The following TTC13 variants were observed in gnomAD, a reference collection of about 807,000 sequenced individuals.
The protein encoded by TTC13 is tetratricopeptide repeat protein 13.
Under a neutral mutation model 120.0 loss-of-function variants are expected in TTC13, and 62 were observed. The observed-to-expected ratio is 0.52, with a 90% CI of 0.42 to 0.64. The LOEUF is 0.64. Ranked by LOEUF, TTC13 falls within the 30% of genes least tolerant of loss-of-function variation. TTC13 has a pLI of 0.00. For synonymous variants in TTC13, 384 were observed against 393.5 expected, an observed-to-expected ratio of 0.98 and a Z score of 0.28; for missense variants, 824 against 1,050.2, an observed-to-expected ratio of 0.78 and a Z score of 2.98.
chr1:230,954,276 T>C (rs1675851006), intron 4 of TTC13, 57 bp downstream of exon 4: 3 of 1,210,432 alleles, frequency 2.5e-6, no homozygotes, highest in Non-Finnish European at 2.4e-6. Context: ...TGTTCATTAG[T>C]CCATATTTTT....
At chr1:230,938,715 C>A (rs1281173488) in intron 8 of TTC13, among the ~76,000 whole-genome samples, 1 of 152,194 alleles carries the variant, frequency 6.6e-6, no homozygotes, top group Non-Finnish European at 1.5e-5. Context: ...TCCTCAGCCA[C>A]CACACTGTCA....
At chr1:230,910,682 C>T (rs1671412071) in intron 20 of TTC13, among the ~76,000 whole-genome samples, 1 of 152,240 alleles carries the variant, frequency 6.6e-6, no homozygotes, top group African/African-American at 2.4e-5. Flanking sequence ...CGGTGATGTG[C>T]ACAGGCCTCA....
intron 1 of TTC13, among the ~76,000 whole-genome samples, chr1:230,975,344 C>T (rs931532017): frequency 6.6e-6 from 1 of 152,030 alleles, no homozygotes; most frequent in African/African-American, 2.4e-5. Flanking sequence ...AATGAACTAC[C>T]TCCTGGGCAA....
chr1:230,941,823 T>C (rs1674557471), intron 6 of TTC13, among the ~76,000 whole-genome samples: 1 of 152,148 alleles, frequency 6.6e-6, no homozygotes, highest in Admixed American at 6.5e-5. Flanking sequence ...CCCTAGTTTA[T>C]CAACCCCTAG....
At chr1:230,949,637 C>T (rs1675350418) in intron 4 of TTC13, among the ~76,000 whole-genome samples, 1 of 151,258 alleles carries the variant, frequency 6.6e-6, no homozygotes. Flanking sequence ...TCAATTTATT[C>T]TTTCCTTTTT....
intron 8 of TTC13, chr1:230,936,390 C>G (rs1271596977): frequency 2.6e-6 from 1 of 380,686 alleles, no homozygotes; most frequent in Non-Finnish European, 5.2e-6. Flanking sequence ...CAAATGCCAT[C>G]CCACCATTTT....
Position 230,978,724 on chromosome 1 carries a change from G to A in TTC13, c.107C>T (p.Ser36Phe). Residue 36 changes from serine to phenylalanine, a missense_variant, in exon 1 of 23, where the codon TCC (serine) becomes TTC (phenylalanine). Coordinates refer to ENST00000366661, the MANE Select transcript of TTC13 (RefSeq NM_024525.5). The surrounding 1 kb of genome is among the most constrained non-coding windows in gnomAD (Gnocchi z 5.6). ...CAGGGCGCCTGGCCGCAGCCCGGCG[G>A]ACAGGACCCCCAGCAGCAGCAGCAG... ...VLLLLLLGVLSAGLRPGALAT... is the reference protein window; with the variant it reads ...VLLLLLLGVLFAGLRPGALAT... 6.7e-7 allele frequency: 1 copy of A among 1,497,150 alleles called. No individual in the cohort carries two copies. The highest frequency in any genetic ancestry group is 1.2e-5 in the South Asian group (1 of 80,258). The allele number at this position is 1,497,150 out of a possible 1,614,324, so 92.7% of individuals were successfully genotyped here. A position where few individuals can be genotyped will look rare whatever the true frequency, so the allele number is the denominator to read the frequency against.
At chr1:230,937,889 T>C (rs1049328065) in intron 8 of TTC13, among the ~76,000 whole-genome samples, 3 of 152,242 alleles carry the variant, frequency 2.0e-5, no homozygotes, top group African/African-American at 7.2e-5. Context: ...TGATTGCCCA[T>C]GGAGCTTGGA....
chr1:230,906,902 G>A lies in TTC13; in HGVS notation c.*3C>T, dbSNP rs768283821. ...CTTTACTTGTATAAATACAGCAGCAGAACTAGAGTTTCTTAAGACAACGTG... is the reference window on the plus strand; with the variant it reads ...CTTTACTTGTATAAATACAGCAGCAAAACTAGAGTTTCTTAAGACAACGTG... On this transcript the variant is annotated 3_prime_UTR_variant, in exon 23 of 23. Coordinates refer to ENST00000366661, the MANE Select transcript of TTC13 (RefSeq NM_024525.5). 9 of 1,449,934 alleles carry A rather than the reference G, an allele frequency of 6.2e-6. No homozygotes were observed. Among genetic ancestry groups the A allele is most frequent in the Non-Finnish European group, 8.3e-6 (9 of 1,087,076 alleles). 89.8% of individuals were successfully genotyped at this position (1,449,934 alleles called of 1,614,324 possible).
Position 230,912,846 on chromosome 1 carries a change from T to C in TTC13, c.2094-88A>G, listed in dbSNP as rs545492177. 3 of 1,193,106 alleles carry C rather than the reference T, an allele frequency of 2.5e-6. No individual in the cohort carries two copies. The South Asian group carries it at 4.1e-5, about 16-fold the overall frequency. 73.9% of individuals were successfully genotyped at this position (1,193,106 alleles called of 1,614,324 possible). Reference sequence around the variant, plus strand: ...AGTTTTTTTTAAAAAGCAAATAGCATACTGACGTAGCACTAAACATATACA... The same window carrying C: ...AGTTTTTTTTAAAAAGCAAATAGCACACTGACGTAGCACTAAACATATACA... On this transcript the variant is annotated intron_variant, in intron 18 of 22. Coordinates refer to ENST00000366661, the MANE Select transcript of TTC13 (RefSeq NM_024525.5).
At chr1:230,971,295 G>A (rs147412509) in intron 1 of TTC13, among the ~76,000 whole-genome samples, 14,575 of 138,914 alleles carry the variant, frequency 0.1, 719 homozygotes, top group Middle Eastern at 0.24. Flanking sequence ...GCAGTGAGCC[G>A]AGATTGCACC....
intron 12 of TTC13, among the ~76,000 whole-genome samples, chr1:230,927,804 A>G (rs1673170596): frequency 6.6e-6 from 1 of 152,120 alleles, no homozygotes; most frequent in Non-Finnish European, 1.5e-5. Context: ...TTCCTCCTAA[A>G]GTTTAAAATA....
chr1:230,928,843 C>A, intron 12 of TTC13, 94 bp downstream of exon 12: 2 of 1,373,066 alleles, frequency 1.5e-6, no homozygotes, highest in South Asian at 1.3e-5. Flanking sequence ...CTACCTCACC[C>A]TCCCAAGTAG....
chr1:230,952,963 T>C (rs1003052832), intron 4 of TTC13, among the ~76,000 whole-genome samples: 47 of 152,204 alleles, frequency 3.1e-4, no homozygotes, highest in Admixed American at 3.1e-3. Flanking sequence ...AAATAATACA[T>C]CTGCAAATTC....
At chr1:230,975,241 G>A (rs1678160512) in intron 1 of TTC13, among the ~76,000 whole-genome samples, 1 of 152,004 alleles carries the variant, frequency 6.6e-6, no homozygotes, top group Admixed American at 6.6e-5. Flanking sequence ...GGGCATGGTG[G>A]CACACGTCTG....
chr1:230,943,909 C>CATT lies in TTC13; in HGVS notation c.580-14_580-12dup, dbSNP rs1674749930. 6.2e-7 allele frequency: 1 copy of CATT among 1,600,140 alleles called. No individual in the cohort carries two copies. Among genetic ancestry groups the CATT allele is most frequent in the Non-Finnish European group, 8.5e-7 (1 of 1,171,496 alleles). On this transcript the variant is annotated splice_polypyrimidine_tract_variant and intron_variant, in intron 5 of 22. Coordinates refer to ENST00000366661, the MANE Select transcript of TTC13 (RefSeq NM_024525.5). ...AGCATTCTTAATGTCCTTGAAAAGG[C>CATT]ATTAGCTTAGTATGAGACATACTGT...
At chr1:230,936,512 G>T in intron 8 of TTC13, 1 of 275,896 alleles carries the variant, frequency 3.6e-6, no homozygotes, top group Non-Finnish European at 7.2e-6. Flanking sequence ...TGGTGCTTGG[G>T]ACGCATGGTT....
At chr1:230,931,175 T>G (rs201330199) in intron 11 of TTC13, 123 bp downstream of exon 11, 2 of 917,392 alleles carry the variant, frequency 2.2e-6, no homozygotes. Context: ...GGTGTGGCTG[T>G]GGATGAGTCA....
At chr1:230,923,129 C>A (rs1358744480) in intron 15 of TTC13, among the ~76,000 whole-genome samples, 1 of 152,094 alleles carries the variant, frequency 6.6e-6, no homozygotes, top group Non-Finnish European at 1.5e-5. Flanking sequence ...TTAGAGGTGA[C>A]ACAACTACCA....
Sources: gnomAD v4.1 joint callset for allele counts (sites outside exome capture counted in the v4.1 genomes callset) on GRCh38, gnomAD v4.1.1 for gene constraint, Gnocchi (gnomAD v3.1) non-coding constraint, MANE v1.5 for transcripts, NCBI Gene and HGNC (gene_info 2026-07-23, HGNC 2026-07-21) for gene names.